LDLRAD4: variants seen among roughly 807,000 people sequenced by gnomAD.
LDLRAD4 encodes the protein low density lipoprotein receptor class A domain containing 4, also known as low-density lipoprotein receptor class A domain-containing protein 4.
Under a neutral mutation model 17.0 loss-of-function variants are expected in LDLRAD4, and 5 were observed. The ratio of observed to expected loss-of-function variants is 0.29; its 90% CI spans 0.15 to 0.62. The LOEUF (loss-of-function observed/expected upper bound fraction) is 0.62, where lower values mean the gene tolerates loss of function less well. LDLRAD4 is among the 20% of genes least tolerant of loss of function. The pLI is 0.84. For missense variants in LDLRAD4, 340 were observed against 424.7 expected, an observed-to-expected ratio of 0.80 and a Z score of 1.75; for synonymous variants, 168 against 171.8, an observed-to-expected ratio of 0.98 and a Z score of 0.17.
At chr18:13,232,962 T>C (rs906788992) in intron 1 of LDLRAD4, among the ~76,000 whole-genome samples, 1 of 152,222 alleles carries the variant, frequency 6.6e-6, no homozygotes, top group Non-Finnish European at 1.5e-5. Context: ...AGCGTCCTCA[T>C]GACCAAGGCT....
intron 3 of LDLRAD4, among the ~76,000 whole-genome samples, chr18:13,485,993 C>T (rs767218712): frequency 6.6e-6 from 1 of 152,198 alleles, no homozygotes; most frequent in African/African-American, 2.4e-5. Flanking sequence ...TGCTTTAAAG[C>T]GGGACTTTTC....
chr18:13,344,238 C>A (rs1255783137), intron 1 of LDLRAD4, among the ~76,000 whole-genome samples: 25 of 152,118 alleles, frequency 1.6e-4, no homozygotes, highest in Admixed American at 1.6e-3. Flanking sequence ...AGTGTTTATT[C>A]CATCTTGAAT....
upstream of LDLRAD4, among the ~76,000 whole-genome samples, chr18:13,277,235 C>T (rs949341065): frequency 1.3e-5 from 2 of 152,158 alleles, no homozygotes; most frequent in African/African-American, 4.8e-5. Context: ...GGAGAATGAA[C>T]TGCAGCACAC....
At chr18:13,642,651 C>G in intron 4 of LDLRAD4, 1 of 1,231,112 alleles carries the variant, frequency 8.1e-7, no homozygotes, top group East Asian at 3.2e-5. Context: ...AGGGCACGGG[C>G]GGGCCCCGGG....
At chr18:13,461,230 G>C (rs1197776739) in intron 3 of LDLRAD4, 2 of 152,460 alleles carry the variant, frequency 1.3e-5, no homozygotes, top group African/African-American at 4.8e-5. Flanking sequence ...GTAGGCAGGG[G>C]TCTTCGTGGC....
intron 1 of LDLRAD4, among the ~76,000 whole-genome samples, chr18:13,281,999 ACTT>A (rs1324010884): frequency 1.3e-5 from 2 of 152,200 alleles, no homozygotes; most frequent in Non-Finnish European, 2.9e-5. Flanking sequence ...GGCGAAAGGC[ACTT>A]CTTACATGGC....
At chr18:13,257,402 A>G (rs1381110101) in intron 1 of LDLRAD4, among the ~76,000 whole-genome samples, 1 of 152,142 alleles carries the variant, frequency 6.6e-6, no homozygotes, top group African/African-American at 2.4e-5. Context: ...TGTAATGATG[A>G]TGTTTGTGAG....
chr18:13,643,405 C>A (rs370545171), exon 5 of LDLRAD4: 1 of 1,245,002 alleles, frequency 8.0e-7, no homozygotes, highest in East Asian at 3.4e-5. Context: ...CGGCTGGGCG[C>A]CTCGGAGGTA....
At chr18:13,435,906 A>G (rs1262681991) in intron 2 of LDLRAD4, among the ~76,000 whole-genome samples, 1 of 152,262 alleles carries the variant, frequency 6.6e-6, no homozygotes, top group Non-Finnish European at 1.5e-5. Flanking sequence ...GGCCATGCCC[A>G]TTACAAGTGA....
chr18:13,377,899 A>G (rs1357923784), intron 1 of LDLRAD4, among the ~76,000 whole-genome samples: 3 of 152,184 alleles, frequency 2.0e-5, no homozygotes, highest in African/African-American at 7.2e-5. Flanking sequence ...ACTCACCTTG[A>G]ATTGGATACC....
At chr18:13,360,020 A>G (rs895114605) in intron 1 of LDLRAD4, among the ~76,000 whole-genome samples, 41 of 152,200 alleles carry the variant, frequency 2.7e-4, no homozygotes, top group African/African-American at 8.7e-4. Flanking sequence ...TCAACTTCAG[A>G]TGGAGCACAG....
At chr18:13,517,865 A>G (rs555752881) in intron 3 of LDLRAD4, among the ~76,000 whole-genome samples, 2 of 151,934 alleles carry the variant, frequency 1.3e-5, no homozygotes, top group East Asian at 3.9e-4. Flanking sequence ...CAGCCTCCCT[A>G]GTAGCTGGGA....
At chr18:13,578,825 G>GTTT (rs1286958694) in intron 3 of LDLRAD4, among the ~76,000 whole-genome samples, 14 of 49,870 alleles carry the variant, frequency 2.8e-4, no homozygotes, top group East Asian at 1.7e-3. Flanking sequence ...AGTTGTCCGG[G>GTTT]TCTTTTTTTT....
intron 1 of LDLRAD4, among the ~76,000 whole-genome samples, chr18:13,226,947 C>G (rs192160019): frequency 7.6e-4 from 116 of 152,234 alleles, no homozygotes; most frequent in Non-Finnish European, 1.3e-3. Flanking sequence ...GAGTCAGCAC[C>G]TGGCTGTCTG....
chr18:13,637,636 C>T (rs1236138468), intron 4 of LDLRAD4, among the ~76,000 whole-genome samples: 3 of 151,944 alleles, frequency 2.0e-5, no homozygotes, highest in African/African-American at 7.3e-5. Flanking sequence ...GAGGCCGAGG[C>T]GGGTGGATCA....
chr18:13,470,391 A>G (rs967815907), intron 3 of LDLRAD4, among the ~76,000 whole-genome samples: 8 of 151,888 alleles, frequency 5.3e-5, no homozygotes, highest in Non-Finnish European at 1.0e-4. Context: ...TTAGAAAATC[A>G]TACTGTCAGG....
At chr18:13,472,925 C>G (rs35091683) in intron 3 of LDLRAD4, among the ~76,000 whole-genome samples, 53,123 of 152,138 alleles carry the variant, frequency 0.35, 10,211 homozygotes, top group Non-Finnish European at 0.43. Context: ...CTGTCTTTTG[C>G]AAACGTTAGA....
intron 3 of LDLRAD4, chr18:13,515,812 T>G (rs2093856612): frequency 6.6e-6 from 1 of 152,218 alleles, no homozygotes; most frequent in Non-Finnish European, 1.5e-5. Context: ...TTGTTTCGTT[T>G]CATTTTGTTT....
chr18:13,557,873 A>T (rs56346370), intron 3 of LDLRAD4, among the ~76,000 whole-genome samples: 6,301 of 152,292 alleles, frequency 0.041, 243 homozygotes, highest in African/African-American at 0.1. Context: ...AGACACCAGT[A>T]TGTCCAAATT....
Sources: gnomAD v4.1 joint callset for allele counts (sites outside exome capture counted in the v4.1 genomes callset) on GRCh38, gnomAD v4.1.1 for gene constraint, MANE v1.5 for transcripts, NCBI Gene and HGNC (gene_info 2026-07-23, HGNC 2026-07-21) for gene names.